The following LYPD6 variants were observed in gnomAD, a reference collection of about 807,000 sequenced individuals.
The protein encoded by LYPD6 is LY6/PLAUR domain containing 6.
A neutral mutation model predicts 22.7 loss-of-function variants in LYPD6; 15 were observed. The observed-to-expected ratio is 0.66, with a 90% CI of 0.44 to 1.02. The LOEUF is 1.02. Among genes scored for constraint, LYPD6 ranks in the 50% least tolerant of loss-of-function variants. The pLI is 0.00. For missense variants in LYPD6, 189 were observed against 208.4 expected, an observed-to-expected ratio of 0.91 and a Z score of 0.57; for synonymous variants, 72 against 77.5, an observed-to-expected ratio of 0.93 and a Z score of 0.37.
intron 1 of LYPD6, among the ~76,000 whole-genome samples, chr2:149,369,690 G>A (rs1353286833): frequency 1.3e-5 from 2 of 152,154 alleles, no homozygotes; most frequent in African/African-American, 2.4e-5. Context: ...CCAGACAAAG[G>A]GAGAGATTCA....
At chr2:149,460,206 G>T (rs1262635776) in intron 3 of LYPD6, among the ~76,000 whole-genome samples, 1 of 152,034 alleles carries the variant, frequency 6.6e-6, no homozygotes, top group African/African-American at 2.4e-5. Context: ...AATGTAAATG[G>T]CATAAATATA....
At chr2:149,348,801 G>A (rs1160601610) in intron 1 of LYPD6, among the ~76,000 whole-genome samples, 3 of 152,160 alleles carry the variant, frequency 2.0e-5, no homozygotes, top group Non-Finnish European at 4.4e-5. Context: ...AATATAGGAA[G>A]GCAAGGTTGG....
intron 1 of LYPD6, among the ~76,000 whole-genome samples, chr2:149,424,039 A>C (rs1375983872): frequency 6.6e-6 from 1 of 152,212 alleles, no homozygotes; most frequent in African/African-American, 2.4e-5. Flanking sequence ...CATCGTCTCA[A>C]GATGGCTTTA....
chr2:149,362,034 A>G (rs1464750383), intron 1 of LYPD6, among the ~76,000 whole-genome samples: 1 of 152,160 alleles, frequency 6.6e-6, no homozygotes, highest in East Asian at 1.9e-4. Context: ...AAAGGCAAGG[A>G]AGCTCATTCT....
intron 3 of LYPD6, among the ~76,000 whole-genome samples, chr2:149,463,705 A>G (rs535619872): frequency 2.0e-4 from 30 of 152,342 alleles, no homozygotes; most frequent in African/African-American, 6.7e-4. Context: ...CTCAGCAATA[A>G]AAGTTAACAA....
chr2:149,476,821 C>T (rs922619312), downstream of LYPD6, among the ~76,000 whole-genome samples: 4 of 152,186 alleles, frequency 2.6e-5, no homozygotes, highest in Admixed American at 2.6e-4. Flanking sequence ...GTGCACCTGG[C>T]GATGGCTACT....
chr2:149,383,533 TAA>T (rs1682115470), intron 1 of LYPD6, among the ~76,000 whole-genome samples: 1 of 152,148 alleles, frequency 6.6e-6, no homozygotes, highest in African/African-American at 2.4e-5. Flanking sequence ...CAGTTCAGTT[TAA>T]AGAGACTCCA....
At chr2:149,401,954 A>G (rs1354984383) in intron 1 of LYPD6, among the ~76,000 whole-genome samples, 2 of 151,940 alleles carry the variant, frequency 1.3e-5, no homozygotes, top group Admixed American at 1.3e-4. Flanking sequence ...GAGTGAGAAC[A>G]TGTGATGTTT....
intron 4 of LYPD6, among the ~76,000 whole-genome samples, chr2:149,469,529 A>G (rs1178545596): frequency 2.6e-5 from 4 of 152,134 alleles, no homozygotes; most frequent in African/African-American, 9.7e-5. Flanking sequence ...TGGTTTGGGC[A>G]ATGTCCATTC....
At chr2:149,467,730 T>C (rs532494280) in intron 3 of LYPD6, among the ~76,000 whole-genome samples, 3 of 152,308 alleles carry the variant, frequency 2.0e-5, no homozygotes, top group Admixed American at 6.5e-5. Flanking sequence ...TTAAGAATTA[T>C]TCATTTTCTT....
In LYPD6 at chr2:149,336,651, G is replaced by A. The variant is rs74265130; in HGVS notation, c.-72+5929G>A. Among the ~76,000 whole-genome samples, 33 of 152,268 alleles carry A rather than the reference G, an allele frequency of 2.2e-4. No homozygotes were observed. The East Asian group carries it at 6.2e-3, about 28-fold the overall frequency. On this transcript the variant is annotated intron_variant, in intron 1 of 4. Transcript: ENST00000334166. ...AAAGAAATACATCAAAATATTAACA[G>A]TGACTCTCTCTAAGTAATATGGGAT...
At chr2:149,436,146 T>C (rs756672020) in intron 1 of LYPD6, among the ~76,000 whole-genome samples, 31 of 152,216 alleles carry the variant, frequency 2.0e-4, no homozygotes, top group Non-Finnish European at 4.1e-4. Context: ...CTAGATCTGA[T>C]TGGGTCGTAT....
chr2:149,438,741 T>G (rs1318018915), intron 2 of LYPD6, among the ~76,000 whole-genome samples: 1 of 152,224 alleles, frequency 6.6e-6, no homozygotes, highest in Non-Finnish European at 1.5e-5. Flanking sequence ...GTGGACTCCT[T>G]CAATCCACGT....
At chr2:149,460,931 T>C (rs1681074461) in intron 3 of LYPD6, among the ~76,000 whole-genome samples, 1 of 151,972 alleles carries the variant, frequency 6.6e-6, no homozygotes, top group South Asian at 2.1e-4. Flanking sequence ...GACAATGAAC[T>C]GAATGAAATT....
intron 1 of LYPD6, among the ~76,000 whole-genome samples, chr2:149,429,924 A>G (rs900603597): frequency 1.3e-5 from 2 of 152,124 alleles, no homozygotes; most frequent in Non-Finnish European, 2.9e-5. Context: ...CAGCACAATT[A>G]TTCCAGAGTA....
intron 2 of LYPD6, 22 bp from the exon 3 acceptor site, chr2:149,449,027 T>A (rs961913410): frequency 3.2e-6 from 5 of 1,557,308 alleles, no homozygotes; most frequent in Non-Finnish European, 4.4e-6. Context: ...AATTAATCTT[T>A]TCTCTTAATC....
chr2:149,476,308 G>T (rs1230151533), downstream of LYPD6, among the ~76,000 whole-genome samples: 1 of 152,084 alleles, frequency 6.6e-6, no homozygotes, highest in Admixed American at 6.6e-5. Context: ...AATGGAAACA[G>T]ATTTTTCATT....
chr2:149,330,327 C>T (rs1680904423), upstream of LYPD6: 1 of 150,886 alleles, frequency 6.6e-6, no homozygotes, highest in African/African-American at 2.4e-5. Flanking sequence ...GCCCGGGTGC[C>T]CCACCTGCGC....
chr2:149,391,777 A>G (rs1317135512), intron 1 of LYPD6, among the ~76,000 whole-genome samples: 1 of 152,142 alleles, frequency 6.6e-6, no homozygotes, highest in Non-Finnish European at 1.5e-5. Context: ...GCTTTCTGGA[A>G]GAATAGAAGG....
Sources: gnomAD v4.1 joint callset for allele counts (sites outside exome capture counted in the v4.1 genomes callset) on GRCh38, gnomAD v4.1.1 for gene constraint, MANE v1.5 for transcripts, NCBI Gene and HGNC (gene_info 2026-07-23, HGNC 2026-07-21) for gene names.